Variants in TECRL observed in about 807,000 individuals in gnomAD.
TECRL encodes the protein trans-2,3-enoyl-CoA reductase like, also known as trans-2,3-enoyl-CoA reductase-like.
In TECRL, 63 loss-of-function variants were observed where a neutral mutation model predicts 52.8. That is an observed-to-expected ratio of 1.19 (90% CI 0.97 to 1.47). The LOEUF is 1.47. Among genes scored for constraint, TECRL ranks in the 40% most tolerant of loss-of-function variants. The pLI, the probability that TECRL is intolerant of heterozygous loss-of-function variation, is 0.00. For missense variants in TECRL, 482 were observed against 429.6 expected, an observed-to-expected ratio of 1.12 and a Z score of -1.08; for synonymous variants, 164 against 141.9, an observed-to-expected ratio of 1.16 and a Z score of -1.10.
chr4:64,393,547 A>C (rs985016454), intron 1 of TECRL, among the ~76,000 whole-genome samples: 1 of 152,070 alleles, frequency 6.6e-6, no homozygotes, highest in African/African-American at 2.4e-5. Flanking sequence ...CTGCCTTCCT[A>C]AGGACATTAA....
intron 2 of TECRL, among the ~76,000 whole-genome samples, chr4:64,371,350 T>A (rs936223230): frequency 6.6e-6 from 1 of 150,990 alleles, no homozygotes; most frequent in Non-Finnish European, 1.5e-5. Flanking sequence ...TACAATTAAT[T>A]ACATTTAATC....
At chr4:64,344,331 T>C (rs1719800306) in intron 2 of TECRL, among the ~76,000 whole-genome samples, 1 of 152,056 alleles carries the variant, frequency 6.6e-6, no homozygotes. Context: ...ATATGGTAGA[T>C]AGATAGATAT....
intron 2 of TECRL, among the ~76,000 whole-genome samples, chr4:64,335,982 T>C (rs888129316): frequency 2.0e-5 from 3 of 152,102 alleles, no homozygotes; most frequent in Non-Finnish European, 4.4e-5. Flanking sequence ...TTTTTGGTTG[T>C]TGTGTCTCTG....
Position 64,280,993 on chromosome 4 carries a change from T to C in TECRL, c.964+48A>G, listed in dbSNP as rs1483709. The C allele has an allele frequency of 0.97, 1,368,315 of 1,403,786 alleles. 666,972 individuals are homozygous for C. Among genetic ancestry groups the C allele is most frequent in the East Asian group, 1 (43,108 of 43,114 alleles). 87.0% of individuals were successfully genotyped at this position (1,403,786 alleles called of 1,614,324 possible). A position where few individuals can be genotyped will look rare whatever the true frequency, so the allele number is the denominator to read the frequency against. On this transcript the variant is annotated intron_variant, in intron 11 of 11. Transcript: ENST00000381210. ...AACTTTTTCTCAGAAACCATTTATC[T>C]TAAAGATGCATTTATTTTGATTAAT...
At position 64,327,779 on chromosome 4, in the gene TECRL, G is replaced by A. The variant is rs187124487; in HGVS notation, c.331+733C>T. On this transcript the variant is annotated intron_variant, in intron 3 of 11. Transcript: ENST00000381210. The stretch of plus-strand genomic sequence containing the variant: ...TTAAGTGCATGTAATACCTAAGAGA[G>A]GGCAACCTAAATATTAGGAAAAGCA... Among the ~76,000 whole-genome samples the A allele has an allele frequency of 1.4e-3, 207 of 151,912 alleles. 1 individual carries two copies. Among genetic ancestry groups the A allele is most frequent in the African/African-American group, 4.8e-3 (200 of 41,474 alleles).
intron 8 of TECRL, chr4:64,299,182 TAGAG>T (rs1158395539): frequency 6.6e-6 from 1 of 151,084 alleles, no homozygotes; most frequent in African/African-American, 2.4e-5. Context: ...TAAAGATATG[TAGAG>T]AGAGAGGAAG....
intron 2 of TECRL, among the ~76,000 whole-genome samples, chr4:64,330,911 C>T (rs146609200): frequency 0.011 from 1,697 of 152,050 alleles, 14 homozygotes; most frequent in Middle Eastern, 0.041. Context: ...AATATAGACA[C>T]GCATATAACT....
At position 64,325,275 on chromosome 4, in the gene TECRL, G is replaced by A. The variant is rs149165966; in HGVS notation, c.332-2483C>T. 3.2e-3 allele frequency among the ~76,000 whole-genome samples: 484 copies of A among 152,294 alleles called. 5 individuals carry two copies. The highest frequency in any genetic ancestry group is 0.011 in the African/African-American group (456 of 41,562). On this transcript the variant is annotated intron_variant, in intron 3 of 11. Transcript: ENST00000381210. The stretch of plus-strand genomic sequence containing the variant: ...GTGCTCTCACCATTATTCCATCTGC[G>A]ATGAGCACCCTTTCTGCAGAAAGTA...
At chr4:64,302,270 T>TATTA (rs1345231960) in intron 7 of TECRL, among the ~76,000 whole-genome samples, 1 of 151,514 alleles carries the variant, frequency 6.6e-6, no homozygotes, top group African/African-American at 2.4e-5. Flanking sequence ...ATACAGATGC[T>TATTA]ATTAACTTTA....
intron 8 of TECRL, among the ~76,000 whole-genome samples, chr4:64,298,464 C>G (rs962955507): frequency 1.3e-5 from 2 of 151,002 alleles, no homozygotes; most frequent in African/African-American, 4.8e-5. Flanking sequence ...TTGCTTATGT[C>G]TAATTATGCC....
At chr4:64,382,327 A>T (rs1330233576) in intron 1 of TECRL, among the ~76,000 whole-genome samples, 1 of 144,746 alleles carries the variant, frequency 6.9e-6, no homozygotes, top group African/African-American at 2.6e-5. Flanking sequence ...TATCTATATT[A>T]TATATATATA....
chr4:64,390,320 T>A (rs1159231198), intron 1 of TECRL, among the ~76,000 whole-genome samples: 1 of 151,942 alleles, frequency 6.6e-6, no homozygotes, highest in African/African-American at 2.4e-5. Flanking sequence ...TCTCTGGGCA[T>A]TTCTCTCAGA....
intron 9 of TECRL, among the ~76,000 whole-genome samples, chr4:64,281,813 A>G (rs1722843159): frequency 6.6e-6 from 1 of 151,918 alleles, no homozygotes; most frequent in Non-Finnish European, 1.5e-5. Context: ...CAGAGTACAT[A>G]AGGATAATCA....
At chr4:64,348,253 C>A (rs570742768) in intron 2 of TECRL, among the ~76,000 whole-genome samples, 17 of 152,168 alleles carry the variant, frequency 1.1e-4, no homozygotes, top group African/African-American at 3.6e-4. Flanking sequence ...CACAAGGTGA[C>A]AGAAGAGAGA....
intron 5 of TECRL, among the ~76,000 whole-genome samples, chr4:64,313,698 G>A (rs1717241214): frequency 6.7e-6 from 1 of 150,014 alleles, no homozygotes; most frequent in South Asian, 2.1e-4. Flanking sequence ...AGCCAGGATG[G>A]TCTCGATCTC....
chr4:64,388,671 C>T (rs145100556), intron 1 of TECRL, among the ~76,000 whole-genome samples: 420 of 151,892 alleles, frequency 2.8e-3, no homozygotes, highest in African/African-American at 9.4e-3. Context: ...AGTATCTCTC[C>T]ATATATTTAG....
intron 8 of TECRL, 128 bp downstream of exon 8, chr4:64,299,846 T>C (rs538379450): frequency 2.0e-5 from 7 of 342,902 alleles, no homozygotes; most frequent in African/African-American, 1.5e-4. Flanking sequence ...TACTTCATTT[T>C]ATATCATTAT....
At chr4:64,305,592 G>A (rs1724289333) in intron 6 of TECRL, among the ~76,000 whole-genome samples, 1 of 152,148 alleles carries the variant, frequency 6.6e-6, no homozygotes. Flanking sequence ...CAAGATGTTT[G>A]CTCAAAAGGG....
intron 2 of TECRL, among the ~76,000 whole-genome samples, chr4:64,343,460 C>G (rs1328803447): frequency 6.6e-6 from 1 of 151,976 alleles, no homozygotes; most frequent in African/African-American, 2.4e-5. Context: ...TAAACATATT[C>G]TTACAGTCAA....
Sources: gnomAD v4.1 joint callset for allele counts (sites outside exome capture counted in the v4.1 genomes callset) on GRCh38, gnomAD v4.1.1 for gene constraint, MANE v1.5 for transcripts, NCBI Gene and HGNC (gene_info 2026-07-23, HGNC 2026-07-21) for gene names.